Variants in PDE1C observed in about 807,000 individuals in gnomAD.
PDE1C encodes the protein dual specificity calcium/calmodulin-dependent 3',5'-cyclic nucleotide phosphodiesterase 1C.
Under a neutral mutation model 93.1 loss-of-function variants are expected in PDE1C, and 62 were observed. The ratio of observed to expected loss-of-function variants is 0.67; its 90% CI spans 0.54 to 0.82. The LOEUF (loss-of-function observed/expected upper bound fraction) is 0.82, where lower values mean the gene tolerates loss of function less well. PDE1C is among the 40% of genes least tolerant of loss of function. PDE1C has a pLI of 0.00. For synonymous variants in PDE1C, 325 were observed against 310.1 expected, an observed-to-expected ratio of 1.05 and a Z score of -0.50; for missense variants, 742 against 884.6, an observed-to-expected ratio of 0.84 and a Z score of 2.04.
intron 1 of PDE1C, among the ~76,000 whole-genome samples, chr7:32,346,101 G>A (rs893527582): frequency 1.3e-5 from 2 of 152,212 alleles, no homozygotes; most frequent in Admixed American, 6.5e-5. Context: ...AAATGGATAA[G>A]CAAACGATAT....
chr7:32,302,511 C>T (rs2128902454), upstream of PDE1C, among the ~76,000 whole-genome samples: 1 of 152,286 alleles, frequency 6.6e-6, no homozygotes, highest in South Asian at 2.1e-4. Flanking sequence ...TCAAATATAA[C>T]AACAGTATAT....
intron 2 of PDE1C, among the ~76,000 whole-genome samples, chr7:32,172,854 G>T (rs1408093132): frequency 5.2e-5 from 6 of 115,194 alleles, no homozygotes; most frequent in Non-Finnish European, 7.5e-5. Flanking sequence ...AAGGCAAGAA[G>T]AAATAGATTC....
At chr7:31,931,291 T>C (rs1804214444) in intron 2 of PDE1C, among the ~76,000 whole-genome samples, 1 of 152,136 alleles carries the variant, frequency 6.6e-6, no homozygotes, top group Non-Finnish European at 1.5e-5. Flanking sequence ...AGACAGAAGG[T>C]CAAATTGTCT....
At chr7:32,044,330 G>T in intron 2 of PDE1C, among the ~76,000 whole-genome samples, 1 of 152,256 alleles carries the variant, frequency 6.6e-6, no homozygotes, top group African/African-American at 2.4e-5. Flanking sequence ...AGTCAGTAAG[G>T]AGTTCAGCTT....
At chr7:31,846,382 G>A (rs780086684) in intron 9 of PDE1C, among the ~76,000 whole-genome samples, 1 of 151,652 alleles carries the variant, frequency 6.6e-6, no homozygotes, top group Non-Finnish European at 1.5e-5. Context: ...TATGGGGAAA[G>A]GATTCCCTAT....
At chr7:32,190,397 T>C (rs542293763) in intron 2 of PDE1C, among the ~76,000 whole-genome samples, 5 of 152,354 alleles carry the variant, frequency 3.3e-5, no homozygotes, top group Admixed American at 6.5e-5. Flanking sequence ...TCTACCTGCC[T>C]GTCCAGGGGA....
intron 3 of PDE1C, among the ~76,000 whole-genome samples, chr7:32,165,577 G>A (rs990768508): frequency 6.6e-6 from 1 of 152,120 alleles, no homozygotes; most frequent in Non-Finnish European, 1.5e-5. Flanking sequence ...GAGTAAGCAG[G>A]GGAAATGCCA....
intron 3 of PDE1C, among the ~76,000 whole-genome samples, chr7:32,168,405 A>G (rs1019272481): frequency 1.3e-5 from 2 of 152,170 alleles, no homozygotes; most frequent in African/African-American, 4.8e-5. Flanking sequence ...ATAAGATGTT[A>G]TTTTCATGAG....
intron 1 of PDE1C, among the ~76,000 whole-genome samples, chr7:32,420,634 A>G (rs1348811011): frequency 6.6e-6 from 1 of 151,760 alleles, no homozygotes; most frequent in Non-Finnish European, 1.5e-5. Context: ...GTAAGATTGT[A>G]ATTGTTCAAG....
At chr7:31,995,736 G>A (rs1444273817) in intron 2 of PDE1C, among the ~76,000 whole-genome samples, 1 of 152,238 alleles carries the variant, frequency 6.6e-6, no homozygotes, top group South Asian at 2.1e-4. Context: ...ATGCTGCTGA[G>A]AGCTGACGGG....
At chr7:32,087,205 C>T (rs1797147006) in intron 3 of PDE1C, among the ~76,000 whole-genome samples, 2 of 148,446 alleles carry the variant, frequency 1.3e-5, no homozygotes, top group South Asian at 2.2e-4. Context: ...TGAATAGAGA[C>T]TTCTCAAAAG....
the PDE1C span, among the ~76,000 whole-genome samples, chr7:31,743,858 G>A: frequency 9.2e-5 from 14 of 152,114 alleles, no homozygotes; most frequent in Non-Finnish European, 1.8e-4. Flanking sequence ...CTGCCACATA[G>A]AGCATGTCAG....
intron 3 of PDE1C, among the ~76,000 whole-genome samples, chr7:32,076,599 C>T (rs1796367256): frequency 6.9e-6 from 1 of 145,120 alleles, no homozygotes; most frequent in Admixed American, 7.0e-5. Context: ...GCTGAGATCA[C>T]ACCACTGCAC....
chr7:32,287,058 G>A (rs939471620), intron 1 of PDE1C, among the ~76,000 whole-genome samples: 1 of 152,120 alleles, frequency 6.6e-6, no homozygotes, highest in African/African-American at 2.4e-5. Context: ...AAGAATGCAG[G>A]CCACACAGAA....
chr7:32,317,667 G>A lies in PDE1C; in HGVS notation c.311-108128C>T, dbSNP rs538719984. 7.2e-4 allele frequency among the ~76,000 whole-genome samples: 109 copies of A among 151,802 alleles called. 1 individual carries two copies. The highest frequency in any genetic ancestry group is 1.0e-3 in the Non-Finnish European group (71 of 67,968). On this transcript the variant is annotated intron_variant, in intron 1 of 1. Transcript: ENST00000672256. ...TCATCCTACCCATAGCCATGTTAAC[G>A]CAGTAAAATATTGACATGAACAGTG...
Position 31,823,242 on chromosome 7 carries a change from A to G in PDE1C, c.1413T>C (p.Asn471=), listed in dbSNP as rs1285575259. ...GGTGQRRSSL[N]SISSSDAKRS... ...GCTTGGCATCTGACGAGCTGATGCT[A>G]TTCAAACTGGAAAACAAAAAAATCA... is the stretch of plus-strand genomic sequence containing the variant. Residue 471 remains asparagine (N), a synonymous_variant, in exon 14 of 18, where the codon AAT becomes AAC. Transcript: ENST00000396191. 1.2e-6 allele frequency: 2 copies of G among 1,601,868 alleles called. No individual in the cohort carries two copies. The highest frequency in any genetic ancestry group is 1.7e-6 in the Non-Finnish European group (2 of 1,176,386).
intron 2 of PDE1C, among the ~76,000 whole-genome samples, chr7:31,989,090 C>CAAAG (rs201197427): frequency 2.6e-5 from 3 of 117,554 alleles, no homozygotes; most frequent in Non-Finnish European, 3.7e-5. Context: ...GAGAAAGAAA[C>CAAAG]AAAGAAAGAA....
intron 2 of PDE1C, among the ~76,000 whole-genome samples, chr7:31,912,891 T>C (rs1330292521): frequency 1.3e-5 from 2 of 152,172 alleles, no homozygotes; most frequent in African/African-American, 4.8e-5. Context: ...GATTATTTTA[T>C]TTCATATATT....
intron 1 of PDE1C, among the ~76,000 whole-genome samples, chr7:32,406,250 C>T (rs1326083370): frequency 6.6e-6 from 1 of 152,128 alleles, no homozygotes. Flanking sequence ...TACAATGAGC[C>T]CAACCCTGTG....
Sources: gnomAD v4.1 joint callset for allele counts (sites outside exome capture counted in the v4.1 genomes callset) on GRCh38, gnomAD v4.1.1 for gene constraint, MANE v1.5 for transcripts, NCBI Gene and HGNC (gene_info 2026-07-23, HGNC 2026-07-21) for gene names.